NLRC3: variants seen among roughly 807,000 people sequenced by gnomAD.
The protein encoded by NLRC3 is NLR family CARD domain containing 3.
Under a neutral mutation model 91.6 loss-of-function variants are expected in NLRC3, and 87 were observed. The observed-to-expected ratio is 0.95, with a 90% confidence interval of 0.80 to 1.14. The LOEUF (loss-of-function observed/expected upper bound fraction) is 1.14. Among genes scored for constraint, NLRC3 ranks in the 50% most tolerant of loss-of-function variants. NLRC3 has a pLI of 0.00. For missense variants in NLRC3, 1,577 were observed against 1,418.6 expected, an observed-to-expected ratio of 1.11 and a Z score of -1.79; for synonymous variants, 694 against 625.3, an observed-to-expected ratio of 1.11 and a Z score of -1.64.
chr16:3,570,487 G>A (rs993557051), intron 1 of NLRC3, among the ~76,000 whole-genome samples: 18 of 152,176 alleles, frequency 1.2e-4, no homozygotes, highest in African/African-American at 3.9e-4. Context: ...GCAATGGAAA[G>A]GAAAACAAGT....
intron 1 of NLRC3, among the ~76,000 whole-genome samples, chr16:3,576,532 G>A (rs1383088096): frequency 6.6e-6 from 1 of 152,226 alleles, no homozygotes; most frequent in Non-Finnish European, 1.5e-5. Flanking sequence ...CATCACCACT[G>A]CCTGCCCGCA....
Position 3,563,057 on chromosome 16 carries a change from C to T in NLRC3, c.1880G>A (p.Gly627Asp), listed in dbSNP as rs1235348894. 6.4e-7 allele frequency: 1 copy of T among 1,561,992 alleles called. No individual in the cohort carries two copies. Among genetic ancestry groups the T allele is most frequent in the South Asian group, 1.2e-5 (1 of 84,870 alleles). The change falls in exon 5 of 20, where the codon GGC (glycine) becomes GAC (aspartate). Residue 627 changes from glycine to aspartate, a missense_variant. Transcript: ENST00000359128. ...EANLSLSLSQ[G>D]VLQSLLPQLL... is the part of the protein sequence containing the mutation. ...CTGGGGCAGCAGGCTCTGAAGGACG[C>T]CCTGGCTGAGGCTCAGGGACAGGTT...
In NLRC3 at chr16:3,563,202, G is replaced by A. The variant is rs764464034; in HGVS notation, c.1735C>T (p.Leu579=). The A allele has an allele frequency of 3.1e-6, 5 of 1,597,216 alleles. No individual in the cohort carries two copies. In the Admixed American group the frequency reaches 8.5e-5, roughly 27 times the overall value. Residue 579 remains leucine, a synonymous_variant, in exon 5 of 20, where the codon CTG becomes TTG. Coordinates refer to ENST00000359128, the MANE Select transcript of NLRC3 (RefSeq NM_178844.4). ...ATGGCCTCCTCCACGCTGCGGGCCAGCTCGGTGTGCTGCAGCTCATGCAGG... is the reference window on the plus strand; with the variant it reads ...ATGGCCTCCTCCACGCTGCGGGCCAACTCGGTGTGCTGCAGCTCATGCAGG... ...HCLHELQHTE[L]ARSVEEAMES... is the part of the protein sequence containing the mutation.
intron 1 of NLRC3, among the ~76,000 whole-genome samples, chr16:3,568,943 T>C (rs1364776806): frequency 2.0e-5 from 3 of 152,246 alleles, no homozygotes; most frequent in African/African-American, 7.2e-5. Flanking sequence ...TTTTATTTTA[T>C]TGCATGTCTC....
chr16:3,568,685 C>T (rs1203571433), intron 1 of NLRC3, among the ~76,000 whole-genome samples: 2 of 152,100 alleles, frequency 1.3e-5, no homozygotes, highest in Non-Finnish European at 2.9e-5. Flanking sequence ...AGAGATTGCA[C>T]CATTGCACTC....
intron 10 of NLRC3, among the ~76,000 whole-genome samples, chr16:3,551,804 C>T (rs2039023853): frequency 6.6e-6 from 1 of 151,524 alleles, no homozygotes; most frequent in Admixed American, 6.6e-5. Flanking sequence ...TTCATTTATC[C>T]ATTCATTCAC....
chr16:3,575,726 G>A (rs989298509), intron 1 of NLRC3, among the ~76,000 whole-genome samples: 52 of 152,164 alleles, frequency 3.4e-4, no homozygotes, highest in Non-Finnish European at 6.5e-4. Flanking sequence ...CGGACTAGCC[G>A]CCTCTGCCCA....
At chr16:3,543,760 C>G in intron 16 of NLRC3, 1 of 531,426 alleles carries the variant, frequency 1.9e-6, no homozygotes, top group South Asian at 2.1e-5. Context: ...GCTCCCTGTA[C>G]CTCCTCATTA....
rs936372281 is a variant in NLRC3, at chr16:3,540,191, T to G, written c.*1634A>C. 3 of 152,248 alleles carry G rather than the reference T, an allele frequency of 2.0e-5. No individual in the cohort carries two copies. The highest frequency in any genetic ancestry group is 7.2e-5 in the African/African-American group (3 of 41,470). 9.4% of individuals were successfully genotyped at this position (152,248 alleles called of 1,614,324 possible). ...ATATCACCTTTGTGGGGTGCCGTTT[T>G]GAGACTGCAAGGATATCATCTTCCC... On this transcript the variant is annotated 3_prime_UTR_variant, in exon 20 of 20. Transcript: ENST00000359128.
intron 1 of NLRC3, among the ~76,000 whole-genome samples, chr16:3,569,112 G>A (rs1045920125): frequency 2.6e-5 from 4 of 151,752 alleles, no homozygotes; most frequent in South Asian, 2.1e-4. Flanking sequence ...TCAGGAGTTC[G>A]AGACCAGCCT....
In NLRC3 at chr16:3,556,131, C is replaced by T. The variant is rs532811402; in HGVS notation, c.2183+780G>A. ...ATGGCTTGAGTGCAGGAGCTCGAGA[C>T]CAGCCTGGTCAAAATGGTGAAAGCT... On this transcript the variant is annotated intron_variant, in intron 8 of 19. Coordinates refer to ENST00000359128, the MANE Select transcript of NLRC3 (RefSeq NM_178844.4). Among the ~76,000 whole-genome samples the T allele has an allele frequency of 2.0e-5, 3 of 149,302 alleles. No individual in the cohort carries two copies. The East Asian group carries it at 5.9e-4, about 30-fold the overall frequency.
chr16:3,542,211 G>A lies in NLRC3; in HGVS notation c.3087C>T (p.Asn1029=), dbSNP rs534331405. The change falls in exon 19 of 20, where the codon AAC becomes AAT. Residue 1029 remains asparagine, a synonymous_variant. Transcript: ENST00000359128. ...CTCACTTGATATGCTGGAGCCTGTG[G>A]TTTCCAGACAGTGCTGTGGCAATGC... The part of the protein sequence containing the change: ...AICIATALSG[N]HRLQHINLQG... 6 of 1,589,942 alleles carry A rather than the reference G, an allele frequency of 3.8e-6. No individual in the cohort carries two copies. In the South Asian group the frequency reaches 5.8e-5, roughly 15 times the overall value.
At chr16:3,553,021 A>G (rs187649089) in intron 9 of NLRC3, among the ~76,000 whole-genome samples, 20 of 152,288 alleles carry the variant, frequency 1.3e-4, no homozygotes, top group Admixed American at 2.6e-4. Context: ...TCTTGTCCTA[A>G]ATCTGGTGGA....
rs1440785336 is a variant in NLRC3 at position 3,563,614 on chromosome 16, T to C, written c.1323A>G (p.Arg441=). ...QGAPCSCFLQ[R]EETLASSVAY... ...CCACTGACGATGCCAACGTCTCCTCTCTCTGCAGGAAGCAGCTGCACGGGG... is the reference window on the plus strand; with the variant it reads ...CCACTGACGATGCCAACGTCTCCTCCCTCTGCAGGAAGCAGCTGCACGGGG... Residue 441 remains arginine, a synonymous_variant, in exon 5 of 20, where the codon AGA becomes AGG. Transcript: ENST00000359128. The C allele has an allele frequency of 1.9e-6, 3 of 1,613,310 alleles. No individual in the cohort carries two copies. The highest frequency in any genetic ancestry group is 2.2e-5 in the East Asian group (1 of 44,864).
chr16:3,550,085 G>T (rs2038914434), intron 11 of NLRC3, among the ~76,000 whole-genome samples: 1 of 152,188 alleles, frequency 6.6e-6, no homozygotes, highest in African/African-American at 2.4e-5. Context: ...CAGAGGGAGT[G>T]GCGCAGCAGG....
rs2039721019 is a variant in NLRC3, at chr16:3,563,590, C to T, written c.1347G>A (p.Val449=). ...GGGACAGGTGGGTGAAGCAGTAGGCCACTGACGATGCCAACGTCTCCTCTC... is the reference window on the plus strand; with the variant it reads ...GGGACAGGTGGGTGAAGCAGTAGGCTACTGACGATGCCAACGTCTCCTCTC... ...LQREETLASS[V]AYCFTHLSLQ... The change falls in exon 5 of 20, where the codon GTG becomes GTA. Residue 449 remains valine, a synonymous_variant. Coordinates refer to ENST00000359128, the MANE Select transcript of NLRC3 (RefSeq NM_178844.4). The T allele has an allele frequency of 1.9e-6, 3 of 1,612,880 alleles. No homozygotes were observed. Among genetic ancestry groups the T allele is most frequent in the Non-Finnish European group, 2.5e-6 (3 of 1,179,690 alleles).
At chr16:3,552,382 A>C (rs115618673) in intron 9 of NLRC3, 103 bp from the exon 10 acceptor site, 1 of 782,192 alleles carries the variant, frequency 1.3e-6, no homozygotes, top group Non-Finnish European at 2.2e-6. Flanking sequence ...TGTGCCCTCT[A>C]CATTTATTGG....
At chr16:3,554,762 C>T (rs1567134410) in intron 8 of NLRC3, among the ~76,000 whole-genome samples, 1 of 152,170 alleles carries the variant, frequency 6.6e-6, no homozygotes, top group Non-Finnish European at 1.5e-5. Flanking sequence ...AATTCCATTC[C>T]TAGGTATATC....
chr16:3,566,101 C>CAAAAAAAAA (rs1027448717), intron 2 of NLRC3, among the ~76,000 whole-genome samples: 11 of 21,314 alleles, frequency 5.2e-4, no homozygotes, highest in African/African-American at 6.1e-4. Context: ...GAGCAAAAAG[C>CAAAAAAAAA]AAAAAAAAAA....
Sources: allele counts gnomAD v4.1 joint callset (sites outside exome capture counted in the v4.1 genomes callset), GRCh38; gene constraint gnomAD v4.1.1; transcripts MANE v1.5; gene names NCBI Gene and HGNC (gene_info 2026-07-23, HGNC 2026-07-21).